Variants in PDE5A observed in about 807,000 individuals in gnomAD.
PDE5A encodes the protein phosphodiesterase 5A.
PDE5A carries 67 observed loss-of-function variants against 110.2 expected under a neutral mutation model. The ratio of observed to expected loss-of-function variants is 0.61; its 90% CI spans 0.50 to 0.75. The LOEUF (loss-of-function observed/expected upper bound fraction) is 0.75, where lower values mean the gene tolerates loss of function less well. PDE5A is among the 30% of genes least tolerant of loss of function. PDE5A has a pLI of 0.00. For synonymous variants in PDE5A, 328 were observed against 351.2 expected (o/e 0.93, Z 0.74); for missense variants, 862 against 1,045.1 (o/e 0.82, Z 2.42).
intron 9 of PDE5A, among the ~76,000 whole-genome samples, chr4:119,544,010 TA>T (rs1169073179): frequency 3.9e-5 from 6 of 152,124 alleles, no homozygotes; most frequent in Non-Finnish European, 7.4e-5. Flanking sequence ...TAGTAGGAAC[TA>T]AAAAAATGTT....
intron 2 of PDE5A, among the ~76,000 whole-genome samples, chr4:119,598,384 AAGG>A (rs893172652): frequency 1.3e-5 from 2 of 152,068 alleles, no homozygotes; most frequent in African/African-American, 2.4e-5. Context: ...CTGACATCTC[AAGG>A]AGTTCTCCTT....
intron 3 of PDE5A, among the ~76,000 whole-genome samples, chr4:119,595,173 T>C (rs2110535689): frequency 6.6e-6 from 1 of 151,988 alleles, no homozygotes; most frequent in East Asian, 1.9e-4. Flanking sequence ...AAAAAATCAA[T>C]GGGGTTTGGT....
intron 3 of PDE5A, among the ~76,000 whole-genome samples, chr4:119,575,304 G>C (rs1043189224): frequency 4.6e-5 from 7 of 152,150 alleles, no homozygotes; most frequent in African/African-American, 1.7e-4. Flanking sequence ...TAGCAAGGCA[G>C]GCCAACATTC....
At chr4:119,517,836 A>T (rs1725970451) in intron 14 of PDE5A, among the ~76,000 whole-genome samples, 1 of 152,056 alleles carries the variant, frequency 6.6e-6, no homozygotes, top group African/African-American at 2.4e-5. Flanking sequence ...GAGGCGTACT[A>T]TGTGGCTTGA....
chr4:119,581,817 T>C (rs528951129), intron 3 of PDE5A, among the ~76,000 whole-genome samples: 19 of 152,374 alleles, frequency 1.2e-4, no homozygotes, highest in African/African-American at 4.6e-4. Context: ...TTTTAGACTA[T>C]ACTGTAATTT....
intron 9 of PDE5A, 146 bp from the exon 10 acceptor site, chr4:119,542,780 A>G: frequency 4.5e-6 from 3 of 673,964 alleles, no homozygotes. Flanking sequence ...CCCCACAAAT[A>G]TAAGCTAGAG....
chr4:119,522,260 C>T (rs1305546585), intron 12 of PDE5A, among the ~76,000 whole-genome samples: 4 of 151,926 alleles, frequency 2.6e-5, no homozygotes, highest in Non-Finnish European at 4.4e-5. Flanking sequence ...ATATTCCAAG[C>T]GGAGGATTTC....
chr4:119,571,855 C>T (rs1262433244), intron 3 of PDE5A, among the ~76,000 whole-genome samples: 2 of 152,072 alleles, frequency 1.3e-5, no homozygotes, highest in African/African-American at 4.8e-5. Flanking sequence ...GCCTTCAGTC[C>T]ATCTTTGACA....
chr4:119,594,171 G>A (rs1045784584), intron 3 of PDE5A, among the ~76,000 whole-genome samples: 21 of 151,996 alleles, frequency 1.4e-4, no homozygotes, highest in Admixed American at 3.3e-4. Flanking sequence ...CATCCTCACC[G>A]GCAGTCATAA....
intron 3 of PDE5A, among the ~76,000 whole-genome samples, chr4:119,592,456 T>TAAAAA (rs55997249): frequency 0.015 from 1,003 of 66,148 alleles, 123 homozygotes; most frequent in Middle Eastern, 0.026. Flanking sequence ...AGACTCTGTT[T>TAAAAA]AAAAAAAAAA....
intron 3 of PDE5A, among the ~76,000 whole-genome samples, chr4:119,586,327 T>A (rs1728764559): frequency 6.6e-6 from 1 of 152,252 alleles, no homozygotes; most frequent in South Asian, 2.1e-4. Flanking sequence ...ATTTCCATTC[T>A]ATGATCAAAA....
rs3056797 is a variant in PDE5A at position 119,599,712 on chromosome 4, TACACACAC to T, written c.742-3108_742-3101del. On this transcript the variant is annotated intron_variant, in intron 2 of 20. Transcript: ENST00000354960. ...CTTTTAGGATACTATCAAGTGTGTA[TACACACAC>T]ACACACACACACACACACACACACA... Among the ~76,000 whole-genome samples, 345 of 147,338 alleles carry T rather than the reference TACACACAC, an allele frequency of 2.3e-3. 1 individual carries two copies. The highest frequency in any genetic ancestry group is 0.017 in the South Asian group (76 of 4,584).
At chr4:119,532,557 G>A (rs1726582010) in intron 11 of PDE5A, among the ~76,000 whole-genome samples, 1 of 151,884 alleles carries the variant, frequency 6.6e-6, no homozygotes. Context: ...TTTTACACAA[G>A]TATAGAGAGT....
chr4:119,572,075 CCT>C (rs1728157191), intron 3 of PDE5A, among the ~76,000 whole-genome samples: 1 of 152,128 alleles, frequency 6.6e-6, no homozygotes, highest in South Asian at 2.1e-4. Context: ...TGAAATATCA[CCT>C]CTCTACTGAG....
chr4:119,559,675 A>G (rs1357777547), intron 7 of PDE5A, among the ~76,000 whole-genome samples: 2 of 152,236 alleles, frequency 1.3e-5, no homozygotes, highest in Non-Finnish European at 1.5e-5. Context: ...AAAGGATTCA[A>G]TACTAACTAA....
At chr4:119,571,649 G>A (rs779157074) in intron 3 of PDE5A, among the ~76,000 whole-genome samples, 28 of 152,266 alleles carry the variant, frequency 1.8e-4, no homozygotes, top group Non-Finnish European at 2.9e-4. Flanking sequence ...ATACATGTGT[G>A]CTATTTTAAG....
In PDE5A at chr4:119,520,509, C is replaced by T. The variant is rs530353501; in HGVS notation, c.1905+426G>A. The stretch of plus-strand genomic sequence containing the variant: ...TTTACTGAGTGCTCCAGAGAAAATG[C>T]GATACAGACCCCTAACTTATCAATG... On this transcript the variant is annotated intron_variant, in intron 13 of 20. Coordinates refer to ENST00000354960, the MANE Select transcript of PDE5A (RefSeq NM_001083.4). 5.3e-5 allele frequency among the ~76,000 whole-genome samples: 8 copies of T among 152,118 alleles called. No homozygotes were observed. In the East Asian group the frequency reaches 7.7e-4, roughly 15 times the overall value.
intron 3 of PDE5A, among the ~76,000 whole-genome samples, chr4:119,589,630 T>C (rs1237132744): frequency 3.9e-5 from 6 of 152,204 alleles, no homozygotes; most frequent in Non-Finnish European, 1.5e-5. Context: ...TTTTTTTCAT[T>C]ATGCTTCATT....
chr4:119,507,480 G>T, intron 16 of PDE5A, 124 bp downstream of exon 16: 1 of 635,332 alleles, frequency 1.6e-6, no homozygotes, highest in Non-Finnish European at 2.7e-6. Context: ...AAACTGCTCC[G>T]TATTCTGATA....
Sources: allele counts gnomAD v4.1 joint callset (sites outside exome capture counted in the v4.1 genomes callset), GRCh38; gene constraint gnomAD v4.1.1; transcripts MANE v1.5; gene names NCBI Gene and HGNC (gene_info 2026-07-23, HGNC 2026-07-21).